Variants in PREX1 observed in about 807,000 individuals in gnomAD.
The protein encoded by PREX1 is phosphatidylinositol-3,4,5-trisphosphate dependent Rac exchange factor 1, also known as phosphatidylinositol 3,4,5-trisphosphate-dependent Rac exchanger 1 protein.
A neutral mutation model predicts 198.3 loss-of-function variants in PREX1; 41 were observed. The observed-to-expected ratio is 0.21, with a 90% CI of 0.16 to 0.27. PREX1 has a LOEUF of 0.27. Among genes scored for constraint, PREX1 ranks in the 10% least tolerant of loss-of-function variants. PREX1 has a pLI of 1.00. For missense variants in PREX1, 1,620 were observed against 2,200.7 expected, an observed-to-expected ratio of 0.74 and a Z score of 5.28; for synonymous variants, 843 against 887.2, an observed-to-expected ratio of 0.95 and a Z score of 0.89.
chr20:48,749,592 G>A (rs575759043), intron 1 of PREX1, among the ~76,000 whole-genome samples: 27 of 152,286 alleles, frequency 1.8e-4, no homozygotes, highest in African/African-American at 5.3e-4. Flanking sequence ...CCAGAGACAC[G>A]ACACGTCCAT....
At chr20:48,817,240 A>G (rs565610249) in intron 1 of PREX1, among the ~76,000 whole-genome samples, 5 of 152,300 alleles carry the variant, frequency 3.3e-5, no homozygotes, top group African/African-American at 1.2e-4. Flanking sequence ...TTCTAGCTCC[A>G]ACTTACAGCC....
chr20:48,745,189 G>A (rs1260513291), intron 2 of PREX1, 42 bp from the exon 3 acceptor site: 2 of 1,573,834 alleles, frequency 1.3e-6, no homozygotes, highest in South Asian at 1.1e-5. Flanking sequence ...TTAAGGCTCA[G>A]AGGGAGAGCA....
chr20:48,848,403 C>CA, the PREX1 span, among the ~76,000 whole-genome samples: 1 of 151,836 alleles, frequency 6.6e-6, no homozygotes, highest in Admixed American at 6.6e-5. Context: ...CACAGGTACA[C>CA]ACTACCACAC....
the PREX1 span, among the ~76,000 whole-genome samples, chr20:48,837,854 A>C: frequency 6.6e-6 from 1 of 152,078 alleles, no homozygotes; most frequent in South Asian, 2.1e-4. Context: ...GACAGAGAGA[A>C]AGAAATTTAA....
At chr20:48,683,725 T>TC (rs924087995) in intron 10 of PREX1, among the ~76,000 whole-genome samples, 1 of 152,104 alleles carries the variant, frequency 6.6e-6, no homozygotes, top group African/African-American at 2.4e-5. Flanking sequence ...AGTGAGGAAA[T>TC]CCAGCATTTC....
intron 1 of PREX1, among the ~76,000 whole-genome samples, chr20:48,758,614 C>T (rs1174790043): frequency 6.6e-6 from 1 of 152,192 alleles, no homozygotes; most frequent in African/African-American, 2.4e-5. Context: ...AAAATCTCTA[C>T]ATGTGCAGGG....
At chr20:48,712,989 C>T (rs1449647835) in intron 5 of PREX1, among the ~76,000 whole-genome samples, 6 of 152,102 alleles carry the variant, frequency 3.9e-5, no homozygotes, top group East Asian at 1.9e-4. Context: ...CCGGGCGTGG[C>T]GGCACGTGCC....
intron 1 of PREX1, among the ~76,000 whole-genome samples, chr20:48,781,069 C>T (rs2090287578): frequency 6.6e-6 from 1 of 152,086 alleles, no homozygotes; most frequent in Admixed American, 6.6e-5. Context: ...AAAAAAGTGT[C>T]AAGGTCATGA....
rs375536021 is a variant in PREX1, at chr20:48,827,235, G to C, written c.219+407C>G. ...TTGGGCTCTGGGGCTCCTACGGTAT[G>C]TCCTAGATGAGTGGTGCACCGGGCG... On this transcript the variant is annotated intron_variant, in intron 1 of 39. Transcript: ENST00000371941. The surrounding 1 kb of genome is among the most constrained non-coding windows in gnomAD (Gnocchi z 4.1). 5.6e-4 allele frequency among the ~76,000 whole-genome samples: 85 copies of C among 152,378 alleles called. No homozygotes were observed. Among genetic ancestry groups the C allele is most frequent in the Middle Eastern group, 6.8e-3 (2 of 294 alleles).
At chr20:48,781,982 G>A (rs1307993243) in intron 1 of PREX1, among the ~76,000 whole-genome samples, 2 of 152,216 alleles carry the variant, frequency 1.3e-5, no homozygotes, top group Non-Finnish European at 2.9e-5. Flanking sequence ...CCCTGTTACA[G>A]ATGGTGATGA....
At chr20:48,781,457 G>A (rs933647383) in intron 1 of PREX1, among the ~76,000 whole-genome samples, 3 of 152,136 alleles carry the variant, frequency 2.0e-5, no homozygotes, top group African/African-American at 7.2e-5. Flanking sequence ...GCCAGACAAT[G>A]CACAACTACA....
rs544909304 is a variant in PREX1 at position 48,666,038 on chromosome 20, A to T, written c.1738+245T>A. ...CCCCCCAGGAAGAAGGGCACAGGAA[A>T]CCCATGGGTTGGACTTCAAATCTAG... On this transcript the variant is annotated intron_variant, in intron 15 of 39. Coordinates refer to ENST00000371941, the MANE Select transcript of PREX1 (RefSeq NM_020820.4). This position sits in a 1 kb window ranked among gnomAD's most constrained non-coding sequence, Gnocchi z 4.3. Among the ~76,000 whole-genome samples, 2 of 152,242 alleles carry T rather than the reference A, an allele frequency of 1.3e-5. No individual in the cohort carries two copies. The highest frequency in any genetic ancestry group is 2.9e-5 in the Non-Finnish European group (2 of 68,010).
rs138781298 is a variant in PREX1, at chr20:48,676,194, T to C, written c.1664A>G (p.Gln555Arg). 17 of 1,613,702 alleles carry C rather than the reference T, an allele frequency of 1.1e-5. No homozygotes were observed. The highest frequency in any genetic ancestry group is 1.4e-5 in the Non-Finnish European group (17 of 1,179,738). The change falls in exon 14 of 40, where the codon CAG becomes CGG. Residue 555 changes from glutamine (Q) to arginine (R), a missense_variant and splice_region_variant. Coordinates refer to ENST00000371941, the MANE Select transcript of PREX1 (RefSeq NM_020820.4). The part of the protein sequence containing the change: ...GSKLVDWLLA[Q>R]GDCQTREEAV... Reference sequence around the variant, plus strand: ...ACACACCCCTGAGGAGGCCCTCACCTGAGCCAGCAGCCAGTCCACCAGCTT... The same window carrying C: ...ACACACCCCTGAGGAGGCCCTCACCCGAGCCAGCAGCCAGTCCACCAGCTT...
chr20:48,797,260 G>A (rs971317562), intron 1 of PREX1, among the ~76,000 whole-genome samples: 1 of 151,852 alleles, frequency 6.6e-6, no homozygotes, highest in Non-Finnish European at 1.5e-5. Flanking sequence ...CCAGAAAAAA[G>A]CCAAATGGGA....
chr20:48,642,204 C>T lies in PREX1; in HGVS notation c.3739G>A (p.Glu1247Lys). 1.9e-6 allele frequency: 3 copies of T among 1,614,212 alleles called. No individual in the cohort carries two copies. The highest frequency in any genetic ancestry group is 1.7e-6 in the Non-Finnish European group (2 of 1,180,038). Residue 1247 changes from glutamate to lysine, a missense_variant, in exon 29 of 40, where the codon GAG (glutamate) becomes AAG (lysine). Coordinates refer to ENST00000371941, the MANE Select transcript of PREX1 (RefSeq NM_020820.4). ...TGGTTCATAGGGAAATGCTTGGTCT[C>T]TTCGAAAGCCCGGCTCATGACTGGC... ...KGPVMSRAFE[E>K]TKHFPMNHSL...
At chr20:48,857,666 G>A in the PREX1 span, among the ~76,000 whole-genome samples, 22 of 152,256 alleles carry the variant, frequency 1.4e-4, no homozygotes, top group East Asian at 1.2e-3. Context: ...CCAATTACTC[G>A]GGAGGCTGAG....
chr20:48,867,423 A>G, the PREX1 span, among the ~76,000 whole-genome samples: 1 of 152,244 alleles, frequency 6.6e-6, no homozygotes, highest in Non-Finnish European at 1.5e-5. Flanking sequence ...AATGTCTAGA[A>G]GAGGCACAGA....
At chr20:48,704,227 C>T (rs989818587) in intron 6 of PREX1, among the ~76,000 whole-genome samples, 1 of 152,166 alleles carries the variant, frequency 6.6e-6, no homozygotes, top group Non-Finnish European at 1.5e-5. Flanking sequence ...AGCCTCCACT[C>T]CCCCGACCTG....
the PREX1 span, among the ~76,000 whole-genome samples, chr20:48,856,228 G>C: frequency 6.6e-6 from 1 of 152,220 alleles, no homozygotes; most frequent in Non-Finnish European, 1.5e-5. Flanking sequence ...TGCCAAACTA[G>C]GGTGAGGACA....
Sources: allele counts gnomAD v4.1 joint callset (sites outside exome capture counted in the v4.1 genomes callset), GRCh38; gene constraint gnomAD v4.1.1; non-coding constraint Gnocchi (gnomAD v3.1); transcripts MANE v1.5; gene names NCBI Gene and HGNC (gene_info 2026-07-23, HGNC 2026-07-21).